PTGES3: variants seen among roughly 807,000 people sequenced by gnomAD.
PTGES3 encodes the protein prostaglandin E synthase 3.
In PTGES3, 5 loss-of-function variants were observed where a neutral mutation model predicts 29.9. The observed-to-expected ratio is 0.17, with a 90% CI of 0.09 to 0.35. The LOEUF is 0.35. Ranked by LOEUF, PTGES3 falls within the 10% of genes least tolerant of loss-of-function variation. The pLI is 1.00. For synonymous variants in PTGES3, 49 were observed against 57.8 expected, an observed-to-expected ratio of 0.85 and a Z score of 0.69; for missense variants, 128 against 190.0, an observed-to-expected ratio of 0.67 and a Z score of 1.92.
intron 1 of PTGES3, among the ~76,000 whole-genome samples, chr12:56,679,012 G>C (rs751853481): frequency 5.3e-5 from 8 of 152,112 alleles, no homozygotes; most frequent in Non-Finnish European, 8.8e-5. Flanking sequence ...GCTAACTGGG[G>C]GGCACTGAGG....
intron 5 of PTGES3, among the ~76,000 whole-genome samples, chr12:56,669,439 G>A (rs1188631420): frequency 1.3e-5 from 2 of 152,036 alleles, no homozygotes; most frequent in African/African-American, 4.8e-5. Flanking sequence ...GCCCGCCACT[G>A]CACCCGGCTA....
At chr12:56,680,316 C>G (rs937021393) in intron 1 of PTGES3, among the ~76,000 whole-genome samples, 1 of 151,730 alleles carries the variant, frequency 6.6e-6, no homozygotes, top group South Asian at 2.1e-4. Context: ...CTCAAGTGAT[C>G]TGCCCACCTC....
At chr12:56,678,144 T>C (rs1424058563) in intron 1 of PTGES3, among the ~76,000 whole-genome samples, 1 of 152,162 alleles carries the variant, frequency 6.6e-6, no homozygotes, top group Non-Finnish European at 1.5e-5. Context: ...AACTTTGATG[T>C]CTCATTCCTC....
At chr12:56,683,966 A>C (rs529343410) in intron 1 of PTGES3, among the ~76,000 whole-genome samples, 3 of 145,944 alleles carry the variant, frequency 2.1e-5, no homozygotes, top group African/African-American at 7.4e-5. Flanking sequence ...TCAAAAAAAA[A>C]AAAAACAAAA....
rs538877945 is a variant in PTGES3, at chr12:56,684,844, G to C, written c.2+3154C>G. 3.9e-5 allele frequency among the ~76,000 whole-genome samples: 6 copies of C among 152,198 alleles called. No homozygotes were observed. The East Asian group carries it at 1.2e-3, about 29-fold the overall frequency. On this transcript the variant is annotated intron_variant, in intron 1 of 7. Transcript: ENST00000262033. ...TTATGAGACAAACTTTTATAACTTA[G>C]GATTTAAAGAAATGTAACTACGAAA...
At chr12:56,677,192 T>A (rs1227613951) in intron 1 of PTGES3, among the ~76,000 whole-genome samples, 1 of 150,210 alleles carries the variant, frequency 6.7e-6, no homozygotes, top group African/African-American at 2.5e-5. Flanking sequence ...GTAAGCCAGA[T>A]AGCGCCACTG....
At position 56,672,803 on chromosome 12, in the gene PTGES3, G is replaced by C. The variant is rs765237447; in HGVS notation, c.123C>G (p.Leu41=). Residue 41 remains leucine (L), a synonymous_variant, in exon 3 of 8, where the codon CTC becomes CTG. Coordinates refer to ENST00000262033, the MANE Select transcript of PTGES3 (RefSeq NM_006601.7). ...AATGCTTAAAATTATCACTTCCTCC[G>C]AGACAACTGTATAAAATAATAAAGA... is the stretch of plus-strand genomic sequence containing the variant. ...FEKSKLTFSC[L]GGSDNFKHLN... The C allele has an allele frequency of 1.3e-6, 2 of 1,580,390 alleles. No homozygotes were observed. The highest frequency in any genetic ancestry group is 2.3e-5 in the East Asian group (1 of 44,224).
chr12:56,687,681 G>C, intron 1 of PTGES3: 18 of 1,275,948 alleles, frequency 1.4e-5, no homozygotes, highest in Non-Finnish European at 1.8e-5. Context: ...CGCATGGCGA[G>C]CAGCTACCGG....
chr12:56,687,953 T>G (rs1952962253), intron 1 of PTGES3, 45 bp downstream of exon 1: 2 of 1,603,076 alleles, frequency 1.2e-6, no homozygotes, highest in Admixed American at 1.7e-5. Flanking sequence ...CAACGCGGCC[T>G]CGGCCTCACT....
chr12:56,683,744 G>C (rs1315851447), intron 1 of PTGES3, among the ~76,000 whole-genome samples: 3 of 151,694 alleles, frequency 2.0e-5, no homozygotes, highest in Admixed American at 1.3e-4. Flanking sequence ...CGGATCACGA[G>C]ATCAGGAGAT....
intron 1 of PTGES3, among the ~76,000 whole-genome samples, chr12:56,682,364 G>A (rs1410237054): frequency 2.0e-5 from 3 of 152,224 alleles, no homozygotes; most frequent in African/African-American, 4.8e-5. Context: ...TTTGAGACAA[G>A]ATAAGCCTTA....
In PTGES3 at chr12:56,672,824, A is replaced by T; in HGVS notation, c.117-15T>A. 1 of 1,570,794 alleles carries T rather than the reference A, an allele frequency of 6.4e-7. No homozygotes were observed. Among genetic ancestry groups the T allele is most frequent in the Non-Finnish European group, 8.6e-7 (1 of 1,162,120 alleles). The stretch of plus-strand genomic sequence containing the variant: ...CTCCGAGACAACTGTATAAAATAAT[A>T]AAGAAAGAATTAAGCCTCTTCAAAG... On this transcript the variant is annotated splice_polypyrimidine_tract_variant and intron_variant, in intron 2 of 7. Transcript: ENST00000262033.
intron 1 of PTGES3, among the ~76,000 whole-genome samples, chr12:56,684,198 C>T (rs1353394217): frequency 6.6e-6 from 1 of 151,992 alleles, no homozygotes; most frequent in African/African-American, 2.4e-5. Context: ...CCACAAGACC[C>T]AAAAATGATA....
At position 56,687,017 on chromosome 12, in the gene PTGES3, A is replaced by C. The variant is rs576682248; in HGVS notation, c.2+981T>G. 6.5e-4 allele frequency: 255 copies of C among 389,974 alleles called. 1 individual carries two copies. Among genetic ancestry groups the C allele is most frequent in the African/African-American group, 4.8e-3 (231 of 48,168 alleles). 24.2% of individuals were successfully genotyped at this position (389,974 alleles called of 1,614,324 possible). A position where few individuals can be genotyped will look rare whatever the true frequency, so the allele number is the denominator to read the frequency against. ...AATAACCTCCCGTCAAAAAAAAAAA[A>C]AAAAAAAAAAAAACCCTGTAAAACC... On this transcript the variant is annotated intron_variant, in intron 1 of 7. Coordinates refer to ENST00000262033, the MANE Select transcript of PTGES3 (RefSeq NM_006601.7).
rs11171931 is a variant in PTGES3 at position 56,676,231 on chromosome 12, C to A, written c.3-3166G>T. Among the ~76,000 whole-genome samples, 47 of 122,920 alleles carry A rather than the reference C, an allele frequency of 3.8e-4. 1 individual carries two copies. The highest frequency in any genetic ancestry group is 7.3e-4 in the South Asian group (3 of 4,112). The allele number at this position is 122,920 out of a possible 152,430, so 80.6% of individuals were successfully genotyped here. A position where few individuals can be genotyped will look rare whatever the true frequency, so the allele number is the denominator to read the frequency against. Reference sequence around the variant, plus strand: ...ACAGAGAGAGGCTGTGTCTCCCCCCCCAAAAAAAAAAAAAAAGCCAAAATA... The same window carrying A: ...ACAGAGAGAGGCTGTGTCTCCCCCCACAAAAAAAAAAAAAAAGCCAAAATA... On this transcript the variant is annotated intron_variant, in intron 1 of 7. Transcript: ENST00000262033.
intron 6 of PTGES3, chr12:56,665,705 G>C: frequency 1.1e-6 from 1 of 923,908 alleles, no homozygotes; most frequent in Non-Finnish European, 1.3e-6. Context: ...GCAATGGTGT[G>C]ATCTTGGCTC....
intron 6 of PTGES3, 26 bp from the exon 7 acceptor site, chr12:56,664,826 G>A (rs373738435): frequency 1.3e-4 from 204 of 1,591,742 alleles, no homozygotes; most frequent in Middle Eastern, 8.3e-4. Flanking sequence ...TAAAGTTACC[G>A]AGCTGATCAA....
chr12:56,670,413 G>T (rs374510504), intron 4 of PTGES3, 49 bp from the exon 5 acceptor site: 2 of 1,346,216 alleles, frequency 1.5e-6, no homozygotes, highest in African/African-American at 2.9e-5. Flanking sequence ...ATTTGCATTT[G>T]GCATGAACCT....
chr12:56,678,238 C>T (rs1435257631), intron 1 of PTGES3, among the ~76,000 whole-genome samples: 2 of 152,058 alleles, frequency 1.3e-5, no homozygotes, highest in East Asian at 1.9e-4. Flanking sequence ...AGTGCAGTGG[C>T]GTGATCTCGG....
Sources: gnomAD v4.1 joint callset for allele counts (sites outside exome capture counted in the v4.1 genomes callset) on GRCh38, gnomAD v4.1.1 for gene constraint, MANE v1.5 for transcripts, NCBI Gene and HGNC (gene_info 2026-07-23, HGNC 2026-07-21) for gene names.